The following CEP83 variants were observed in gnomAD, a reference collection of about 807,000 sequenced individuals.
The protein encoded by CEP83 is centrosomal protein of 83 kDa.
A neutral mutation model predicts 101.9 loss-of-function variants in CEP83; 70 were observed. The observed-to-expected ratio is 0.69, with a 90% CI of 0.57 to 0.84. The LOEUF is 0.84. Ranked by LOEUF, CEP83 falls within the 40% of genes least tolerant of loss-of-function variation. CEP83 has a pLI of 0.00. For missense variants in CEP83, 715 were observed against 787.2 expected (o/e 0.91, Z 1.10); for synonymous variants, 264 against 267.9 (o/e 0.99, Z 0.14).
At chr12:94,355,727 G>A (rs895475762) in intron 11 of CEP83, among the ~76,000 whole-genome samples, 5 of 152,220 alleles carry the variant, frequency 3.3e-5, no homozygotes, top group Non-Finnish European at 7.3e-5. Flanking sequence ...CGAGGGCAAG[G>A]AACACCTGGC....
chr12:94,412,211 C>T lies in CEP83; in HGVS notation c.173+107G>A. The T allele has an allele frequency of 5.7e-6, 5 of 873,168 alleles. No individual in the cohort carries two copies. The South Asian group carries it at 1.1e-4, about 20-fold the overall frequency. The allele number at this position is 873,168 out of a possible 1,614,324, so 54.1% of individuals were successfully genotyped here. ...ATATTAAAAAAGTTTTAAATGTATA[C>T]ATTGCAAAATAACAAAATTATACTA... is the stretch of plus-strand genomic sequence containing the variant. On this transcript the variant is annotated intron_variant, in intron 3 of 16. Coordinates refer to ENST00000397809, the MANE Select transcript of CEP83 (RefSeq NM_016122.3).
At chr12:94,329,760 A>C (rs2059126503) in intron 14 of CEP83, among the ~76,000 whole-genome samples, 1 of 152,204 alleles carries the variant, frequency 6.6e-6, no homozygotes, top group African/African-American at 2.4e-5. Flanking sequence ...AATCCCATTA[A>C]TATTCATACA....
downstream of CEP83, chr12:94,303,889 A>G: frequency 6.2e-7 from 1 of 1,609,114 alleles, no homozygotes; most frequent in Non-Finnish European, 8.5e-7. Flanking sequence ...TTAACTCAGG[A>G]ATCTAAGGTA....
the CEP83 span, among the ~76,000 whole-genome samples, chr12:94,275,810 C>G: frequency 5.5e-4 from 46 of 83,544 alleles, 5 homozygotes; most frequent in East Asian, 0.01. Context: ...AGCCGAGATC[C>G]CGCCACTGCA....
chr12:94,398,631 A>G (rs1046966071), intron 6 of CEP83, among the ~76,000 whole-genome samples: 1 of 152,168 alleles, frequency 6.6e-6, no homozygotes, highest in Admixed American at 6.5e-5. Context: ...AAAGAATAGA[A>G]TAACAGCGAT....
intron 2 of CEP83, among the ~76,000 whole-genome samples, chr12:94,418,738 A>T (rs2064484382): frequency 6.6e-6 from 1 of 152,218 alleles, no homozygotes; most frequent in African/African-American, 2.4e-5. Flanking sequence ...AGATAATGGT[A>T]GTTGTTACGC....
chr12:94,303,732 C>CTTT (rs201354613), downstream of CEP83: 259 of 843,492 alleles, frequency 3.1e-4, no homozygotes, highest in South Asian at 1.8e-3. Context: ...GTGATGGTTG[C>CTTT]TTTTTTTTTT....
At chr12:94,403,768 T>A (rs1319867619) in intron 4 of CEP83, among the ~76,000 whole-genome samples, 1 of 152,050 alleles carries the variant, frequency 6.6e-6, no homozygotes, top group Non-Finnish European at 1.5e-5. Flanking sequence ...AAGTCCCATG[T>A]GGGAAAACAC....
At chr12:94,298,855 A>C in the CEP83 span, 1 of 1,266,410 alleles carries the variant, frequency 7.9e-7, no homozygotes, top group Non-Finnish European at 1.1e-6. Context: ...ATTAACTAAA[A>C]GAAAGACATA....
chr12:94,412,208 A>T, intron 3 of CEP83, 110 bp downstream of exon 3: 2 of 846,684 alleles, frequency 2.4e-6, no homozygotes, highest in Non-Finnish European at 3.5e-6. Context: ...TTTTAAATGT[A>T]TACATTGCAA....
intron 14 of CEP83, among the ~76,000 whole-genome samples, chr12:94,314,718 G>A (rs190311194): frequency 1.6e-3 from 245 of 152,174 alleles, no homozygotes; most frequent in Non-Finnish European, 2.6e-3. Context: ...CATCTCAGAA[G>A]GCTTCCTTAT....
chr12:94,317,296 G>C (rs1565899265), intron 14 of CEP83, among the ~76,000 whole-genome samples: 1 of 152,022 alleles, frequency 6.6e-6, no homozygotes, highest in East Asian at 1.9e-4. Flanking sequence ...GTTCTTTATA[G>C]ATGCTAGATA....
Position 94,362,037 on chromosome 12 carries a change from T to C in CEP83, c.1343+5757A>G, listed in dbSNP as rs550083981. Among the ~76,000 whole-genome samples the C allele has an allele frequency of 3.5e-4, 54 of 152,154 alleles. 1 individual carries two copies. In the South Asian group the frequency reaches 0.011, roughly 31 times the overall value. ...TATTTATCTGACAAGGGATTAAAAT[T>C]TAGAATAAACAAGAAACTCAAACAA... On this transcript the variant is annotated intron_variant, in intron 11 of 16. Coordinates refer to ENST00000397809, the MANE Select transcript of CEP83 (RefSeq NM_016122.3).
At chr12:94,449,419 T>C (rs758870942) in intron 1 of CEP83, among the ~76,000 whole-genome samples, 3 of 151,990 alleles carry the variant, frequency 2.0e-5, no homozygotes, top group Admixed American at 6.6e-5. Flanking sequence ...CAAAATTCCT[T>C]AATAATAATC....
chr12:94,386,992 AAAAC>A (rs1257001828), intron 6 of CEP83, among the ~76,000 whole-genome samples: 2 of 152,346 alleles, frequency 1.3e-5, no homozygotes, highest in South Asian at 2.1e-4. Flanking sequence ...AAAGTTGACA[AAAAC>A]AAACAATGGG....
chr12:94,325,119 A>G (rs2058916293), intron 14 of CEP83, among the ~76,000 whole-genome samples: 1 of 151,824 alleles, frequency 6.6e-6, no homozygotes, highest in African/African-American at 2.4e-5. Context: ...TTACCAGAGA[A>G]GCCTTGCCTG....
At chr12:94,331,909 A>T (rs2059241958) in intron 13 of CEP83, 80 bp from the exon 14 acceptor site, 1 of 1,293,038 alleles carries the variant, frequency 7.7e-7, no homozygotes, top group Non-Finnish European at 1.1e-6. Context: ...GTATAAGCAA[A>T]CTCACTACCT....
At chr12:94,394,288 T>C in intron 6 of CEP83, among the ~76,000 whole-genome samples, 1 of 151,984 alleles carries the variant, frequency 6.6e-6, no homozygotes, top group African/African-American at 2.4e-5. Flanking sequence ...TATAGACCAA[T>C]GGAACAGAAC....
the CEP83 span, among the ~76,000 whole-genome samples, chr12:94,297,621 A>G: frequency 2.1e-4 from 32 of 152,294 alleles, no homozygotes; most frequent in Non-Finnish European, 3.2e-4. Context: ...CACTTTACAG[A>G]TTTGTACTGT....
Sources: allele counts gnomAD v4.1 joint callset (sites outside exome capture counted in the v4.1 genomes callset), GRCh38; gene constraint gnomAD v4.1.1; transcripts MANE v1.5; gene names NCBI Gene and HGNC (gene_info 2026-07-23, HGNC 2026-07-21).